DGKB: variants seen among roughly 807,000 people sequenced by gnomAD.
The protein encoded by DGKB is diacylglycerol kinase beta.
A neutral mutation model predicts 114.3 loss-of-function variants in DGKB; 67 were observed. That is an observed-to-expected ratio of 0.59 (90% CI 0.48 to 0.72). DGKB has a LOEUF of 0.72. Ranked by LOEUF, DGKB falls within the 30% of genes least tolerant of loss-of-function variation. The pLI, the probability that DGKB is intolerant of heterozygous loss-of-function variation, is 0.00. For missense variants in DGKB, 907 were observed against 975.2 expected (o/e 0.93, Z 0.93); for synonymous variants, 398 against 323.1 (o/e 1.23, Z -2.49).
chr7:14,640,548 A>G (rs1811575459), intron 13 of DGKB, among the ~76,000 whole-genome samples: 1 of 152,158 alleles, frequency 6.6e-6, no homozygotes, highest in South Asian at 2.1e-4. Context: ...ATAGATTTTT[A>G]TCAACTGGAC....
intron 20 of DGKB, among the ~76,000 whole-genome samples, chr7:14,485,599 T>C (rs913045577): frequency 1.3e-5 from 2 of 151,980 alleles, no homozygotes; most frequent in Non-Finnish European, 2.9e-5. Flanking sequence ...CAAAAGCAGA[T>C]TTTAAATAGG....
Position 14,974,306 on chromosome 7 carries a change from G to A in DGKB, c.-188+390C>T, listed in dbSNP as rs556633887. On this transcript the variant is annotated intron_variant, in intron 1 of 4. Transcript: ENST00000437998. ...TATAGGACACCCCTGGGGAAAGGGG[G>A]CAGAAAACACATGAGAGACAAGTTA... 1.1e-4 allele frequency among the ~76,000 whole-genome samples: 16 copies of A among 152,128 alleles called. 1 individual carries two copies. In the South Asian group the frequency reaches 1.2e-3, roughly 12 times the overall value.
chr7:14,387,077 AGTTTT>A (rs1467771107), intron 21 of DGKB, among the ~76,000 whole-genome samples: 1 of 151,002 alleles, frequency 6.6e-6, no homozygotes, highest in Non-Finnish European at 1.5e-5. Flanking sequence ...CATGTAAAAC[AGTTTT>A]GTTTGTTTCT....
chr7:14,705,646 G>A (rs1321583201), intron 6 of DGKB, among the ~76,000 whole-genome samples: 1 of 150,364 alleles, frequency 6.7e-6, no homozygotes. Context: ...CCAGAAGAGA[G>A]TGGGGGCCAA....
intron 23 of DGKB, among the ~76,000 whole-genome samples, chr7:14,216,919 CCAA>C (rs1014320990): frequency 1.1e-4 from 16 of 151,976 alleles, no homozygotes; most frequent in African/African-American, 3.9e-4. Flanking sequence ...TTGTTTCTTT[CCAA>C]CAATTTATTT....
chr7:14,548,076 T>C (rs1006661188), intron 20 of DGKB, among the ~76,000 whole-genome samples: 2 of 152,220 alleles, frequency 1.3e-5, no homozygotes, highest in South Asian at 2.1e-4. Flanking sequence ...GGGAAATTTA[T>C]ACCATTTGCT....
intron 6 of DGKB, among the ~76,000 whole-genome samples, chr7:14,707,229 A>C (rs1826442863): frequency 7.0e-6 from 1 of 142,778 alleles, no homozygotes; most frequent in South Asian, 2.5e-4. Flanking sequence ...GAAATGGATA[A>C]ATTCCTCGAC....
At chr7:14,272,168 T>G (rs1370105013) in intron 23 of DGKB, among the ~76,000 whole-genome samples, 1 of 152,144 alleles carries the variant, frequency 6.6e-6, no homozygotes, top group African/African-American at 2.4e-5. Flanking sequence ...ATATGCTATT[T>G]TTCATAAACA....
rs150134386 is a variant in DGKB, at chr7:14,675,911, G to T, written c.1036-2884C>A. 4.6e-5 allele frequency among the ~76,000 whole-genome samples: 7 copies of T among 152,160 alleles called. No homozygotes were observed. The East Asian group carries it at 1.4e-3, about 29-fold the overall frequency. ...AGAGTGTTAAAACTGAGGGCATCATGTTAGGAGTACGGATCATTTTACAAG... is the reference window on the plus strand; with the variant it reads ...AGAGTGTTAAAACTGAGGGCATCATTTTAGGAGTACGGATCATTTTACAAG... On this transcript the variant is annotated intron_variant, in intron 12 of 25. Coordinates refer to ENST00000402815, the MANE Select transcript of DGKB (RefSeq NM_001350709.2).
chr7:14,329,062 G>A (rs1809254062), intron 23 of DGKB, among the ~76,000 whole-genome samples: 2 of 151,828 alleles, frequency 1.3e-5, no homozygotes, highest in African/African-American at 4.8e-5. Flanking sequence ...ACACTTCCAA[G>A]GAGCTACTAT....
At chr7:14,257,527 T>C (rs1796121377) in intron 23 of DGKB, among the ~76,000 whole-genome samples, 1 of 152,072 alleles carries the variant, frequency 6.6e-6, no homozygotes, top group Admixed American at 6.6e-5. Flanking sequence ...TGGGAGGTAA[T>C]TGAATCATAG....
chr7:14,894,767 C>T (rs1386295528), intron 1 of DGKB, among the ~76,000 whole-genome samples: 2 of 151,542 alleles, frequency 1.3e-5, no homozygotes, highest in African/African-American at 2.4e-5. Flanking sequence ...GCTCAAAAGC[C>T]TTATCACTTC....
At chr7:14,154,539 T>G (rs1176971270) in intron 25 of DGKB, among the ~76,000 whole-genome samples, 1 of 151,926 alleles carries the variant, frequency 6.6e-6, no homozygotes, top group Admixed American at 6.6e-5. Flanking sequence ...CACGAAATGC[T>G]TAGACTGTTA....
rs1397779239 is a variant in DGKB, at chr7:14,145,502, AG to A, written c.*3628del. The A allele has an allele frequency of 1.3e-5, 2 of 150,676 alleles. No individual in the cohort carries two copies. Among genetic ancestry groups the A allele is most frequent in the East Asian group, 2.0e-4 (1 of 5,100 alleles). The allele number at this position is 150,676 out of a possible 1,614,324, so 9.3% of individuals were successfully genotyped here. A position where few individuals can be genotyped will look rare whatever the true frequency, so the allele number is the denominator to read the frequency against. ...GAGACAGAGTCTGGCTCTGTCACCC[AG>A]GCTGGAGTGCAGTGGTGTGATCTTG... On this transcript the variant is annotated 3_prime_UTR_variant, in exon 26 of 26. Coordinates refer to ENST00000402815, the MANE Select transcript of DGKB (RefSeq NM_001350709.2).
intron 1 of DGKB, among the ~76,000 whole-genome samples, chr7:14,961,881 G>A (rs1384809788): frequency 6.6e-6 from 1 of 152,006 alleles, no homozygotes; most frequent in Non-Finnish European, 1.5e-5. Context: ...AGCCTCTGCT[G>A]CTCAGAGGAT....
chr7:14,537,869 T>C (rs1303656628), intron 20 of DGKB, among the ~76,000 whole-genome samples: 9 of 151,230 alleles, frequency 6.0e-5, no homozygotes, highest in Non-Finnish European at 1.2e-4. Flanking sequence ...TCACCTGAGG[T>C]TGGAAGTTTG....
chr7:14,284,957 T>C (rs1232726346), intron 23 of DGKB, among the ~76,000 whole-genome samples: 11 of 151,490 alleles, frequency 7.3e-5, no homozygotes, highest in Non-Finnish European at 1.5e-4. Flanking sequence ...CACATGTATA[T>C]GTATGTAACT....
At chr7:14,266,614 T>G (rs1322134536) in intron 23 of DGKB, among the ~76,000 whole-genome samples, 1 of 152,188 alleles carries the variant, frequency 6.6e-6, no homozygotes, top group African/African-American at 2.4e-5. Flanking sequence ...TCTATTGAGA[T>G]TCTAAATACC....
At chr7:14,335,597 T>G (rs1285112845) in intron 23 of DGKB, among the ~76,000 whole-genome samples, 1 of 152,220 alleles carries the variant, frequency 6.6e-6, no homozygotes, top group Non-Finnish European at 1.5e-5. Flanking sequence ...GTTATTAATT[T>G]GACTGTAGGT....
Sources: gnomAD v4.1 joint callset for allele counts (sites outside exome capture counted in the v4.1 genomes callset) on GRCh38, gnomAD v4.1.1 for gene constraint, MANE v1.5 for transcripts, NCBI Gene and HGNC (gene_info 2026-07-23, HGNC 2026-07-21) for gene names.